The following CAB39L variants were observed in gnomAD, a reference collection of about 807,000 sequenced individuals.
CAB39L encodes calcium-binding protein 39-like.
In CAB39L, 23 loss-of-function variants were observed where a neutral mutation model predicts 39.1. The observed-to-expected ratio is 0.59, with a 90% CI of 0.42 to 0.83. The LOEUF is 0.83. Among genes scored for constraint, CAB39L ranks in the 40% least tolerant of loss-of-function variants. The pLI, the probability that CAB39L is intolerant of heterozygous loss-of-function variation, is 0.00. For missense variants in CAB39L, 366 were observed against 391.9 expected (o/e 0.93, Z 0.56); for synonymous variants, 126 against 137.2 (o/e 0.92, Z 0.57).
Position 49,359,781 on chromosome 13 carries a change from C to T in CAB39L, c.328G>A (p.Gly110Ser), listed in dbSNP as rs2138502818. 1 of 1,613,248 alleles carries T rather than the reference C, an allele frequency of 6.2e-7. No homozygotes were observed. The highest frequency in any genetic ancestry group is 1.1e-5 in the South Asian group (1 of 91,040). ...TACTCCACAGTAGGACTCCGAGTGCCTATCTGTCTTCTCAAGATGTTGTTA... is the reference window on the plus strand; with the variant it reads ...TACTCCACAGTAGGACTCCGAGTGCTTATCTGTCTTCTCAAGATGTTGTTA... ...IFNNILRRQI[G>S]TRSPTVEYIS... The change falls in exon 6 of 11, where the codon GGC becomes AGC. Residue 110 changes from glycine to serine, a missense_variant. Coordinates refer to ENST00000409308, the MANE Select transcript of CAB39L (RefSeq NM_001079670.3).
intron 3 of CAB39L, among the ~76,000 whole-genome samples, chr13:49,420,891 G>C (rs140299798): frequency 3.8e-4 from 58 of 152,158 alleles, no homozygotes; most frequent in African/African-American, 1.4e-3. Context: ...TAAATTCTAA[G>C]GGACTTAGAA....
At chr13:49,431,890 C>T (rs1054298501) in intron 3 of CAB39L, among the ~76,000 whole-genome samples, 1 of 152,126 alleles carries the variant, frequency 6.6e-6, no homozygotes, top group African/African-American at 2.4e-5. Context: ...TCATCTCCAT[C>T]TACACAGCAC....
chr13:49,328,446 C>T (rs1445200921), intron 10 of CAB39L, among the ~76,000 whole-genome samples: 2 of 152,092 alleles, frequency 1.3e-5, no homozygotes, highest in Non-Finnish European at 2.9e-5. Context: ...TTCTTAAAGA[C>T]TTGTCAGTTA....
intron 3 of CAB39L, among the ~76,000 whole-genome samples, chr13:49,385,421 T>C (rs1461950625): frequency 3.3e-5 from 5 of 152,198 alleles, no homozygotes; most frequent in Admixed American, 2.6e-4. Flanking sequence ...GTATTAACAA[T>C]TAGCTGTTTT....
At chr13:49,386,179 AGATAT>A (rs1956354933) in intron 3 of CAB39L, among the ~76,000 whole-genome samples, 1 of 152,194 alleles carries the variant, frequency 6.6e-6, no homozygotes. Flanking sequence ...ATGGTATCAT[AGATAT>A]GATATGATTT....
chr13:49,310,997 A>G lies in CAB39L; in HGVS notation c.835-4T>C. ...TGTGAGGACTGGCCACAAACACCTG[A>G]AACAAAAAGAAACAAATACTTAGGA... On this transcript the variant is annotated splice_region_variant and splice_polypyrimidine_tract_variant and intron_variant, in intron 10 of 10. Coordinates refer to ENST00000409308, the MANE Select transcript of CAB39L (RefSeq NM_001079670.3). 2 of 1,612,174 alleles carry G rather than the reference A, an allele frequency of 1.2e-6. No individual in the cohort carries two copies. The highest frequency in any genetic ancestry group is 1.7e-6 in the Non-Finnish European group (2 of 1,178,738).
rs143667375 is a variant in CAB39L, at chr13:49,361,394, C to T, written c.277-1562G>A. Among the ~76,000 whole-genome samples the T allele has an allele frequency of 5.9e-4, 84 of 141,994 alleles. No homozygotes were observed. The East Asian group carries it at 0.017, about 29-fold the overall frequency. 93.2% of individuals were successfully genotyped at this position (141,994 alleles called of 152,430 possible). On this transcript the variant is annotated intron_variant, in intron 5 of 10. Coordinates refer to ENST00000409308, the MANE Select transcript of CAB39L (RefSeq NM_001079670.3). ...TTGGGAGGCTGAGGTAGAAGAATTG[C>T]TTGAACCCGGGAGGCAGAGGTTGCA...
At chr13:49,341,615 T>C (rs977284435) in intron 8 of CAB39L, among the ~76,000 whole-genome samples, 1 of 152,158 alleles carries the variant, frequency 6.6e-6, no homozygotes, top group Non-Finnish European at 1.5e-5. Flanking sequence ...GAAGAGAGAC[T>C]GGTTAACAGG....
Position 49,308,769 on chromosome 13 carries a change from C to G in CAB39L, c.*2045G>C, listed in dbSNP as rs193260175. 1.3e-5 allele frequency: 2 copies of G among 152,516 alleles called. No individual in the cohort carries two copies. The highest frequency in any genetic ancestry group is 2.9e-5 in the Non-Finnish European group (2 of 68,014). 9.4% of individuals were successfully genotyped at this position (152,516 alleles called of 1,614,324 possible). On this transcript the variant is annotated 3_prime_UTR_variant, in exon 11 of 11. Transcript: ENST00000409308. ...TACAGTGAACTTTGTGCAAACAAAT[C>G]CCCCTTTGTGCAAAGGGGGAGCTTC...
chr13:49,361,824 A>G (rs1214087761), intron 5 of CAB39L, among the ~76,000 whole-genome samples: 1 of 152,010 alleles, frequency 6.6e-6, no homozygotes, highest in Non-Finnish European at 1.5e-5. Flanking sequence ...CCCTCTCTGT[A>G]CTACAACCAT....
intron 6 of CAB39L, among the ~76,000 whole-genome samples, chr13:49,353,521 C>T (rs921099174): frequency 2.6e-5 from 4 of 152,048 alleles, no homozygotes; most frequent in African/African-American, 9.7e-5. Context: ...CCCCTCATTC[C>T]CTCAATTGGA....
chr13:49,376,891 G>GTAGATAGATAGACAGATAGA, intron 5 of CAB39L, 76 bp downstream of exon 5: 1 of 786,904 alleles, frequency 1.3e-6, no homozygotes, highest in Non-Finnish European at 1.9e-6. Context: ...AAGTTGAATA[G>GTAGATAGATAGACAGATAGA]TAGATAGATA....
At chr13:49,317,684 G>C (rs926449950) in intron 10 of CAB39L, among the ~76,000 whole-genome samples, 2 of 151,920 alleles carry the variant, frequency 1.3e-5, no homozygotes, top group Admixed American at 1.3e-4. Context: ...GAAAATACAG[G>C]GTAAATTTTC....
intron 3 of CAB39L, among the ~76,000 whole-genome samples, chr13:49,406,805 A>T (rs1956890270): frequency 6.6e-6 from 1 of 152,162 alleles, no homozygotes; most frequent in Non-Finnish European, 1.5e-5. Flanking sequence ...ACACAGTAAC[A>T]TAATGATATA....
At chr13:49,325,729 C>T (rs529898574) in intron 10 of CAB39L, among the ~76,000 whole-genome samples, 9 of 152,110 alleles carry the variant, frequency 5.9e-5, no homozygotes, top group Non-Finnish European at 1.0e-4. Context: ...GTGGAGGGTG[C>T]GGTGAGCCGA....
intron 3 of CAB39L, among the ~76,000 whole-genome samples, chr13:49,405,108 A>G (rs1956844055): frequency 6.6e-6 from 1 of 152,154 alleles, no homozygotes; most frequent in South Asian, 2.1e-4. Flanking sequence ...TTTACCCCCA[A>G]AAAACTACCT....
At chr13:49,389,187 T>C (rs1956435051) in intron 3 of CAB39L, among the ~76,000 whole-genome samples, 1 of 152,192 alleles carries the variant, frequency 6.6e-6, no homozygotes, top group South Asian at 2.1e-4. Context: ...AAAATGGAAC[T>C]ACCACATGAT....
intron 3 of CAB39L, among the ~76,000 whole-genome samples, chr13:49,418,183 A>G (rs1263878665): frequency 1.3e-5 from 2 of 152,252 alleles, no homozygotes; most frequent in African/African-American, 4.8e-5. Context: ...AATGTGGTAC[A>G]TTCATAAAAT....
At chr13:49,439,788 AGAT>A (rs1237242249) in intron 1 of CAB39L, among the ~76,000 whole-genome samples, 2 of 152,120 alleles carry the variant, frequency 1.3e-5, no homozygotes, top group East Asian at 1.9e-4. Context: ...GACTGGCGTG[AGAT>A]GATGTCTCAT....
Sources: gnomAD v4.1 joint callset for allele counts (sites outside exome capture counted in the v4.1 genomes callset) on GRCh38, gnomAD v4.1.1 for gene constraint, MANE v1.5 for transcripts, NCBI Gene and HGNC (gene_info 2026-07-23, HGNC 2026-07-21) for gene names.